PCDH15: variants seen among roughly 807,000 people sequenced by gnomAD.
PCDH15 encodes protocadherin related 15, also known as protocadherin-15.
PCDH15 carries 129 observed loss-of-function variants against 178.5 expected under a neutral mutation model. The observed-to-expected ratio is 0.72, with a 90% CI of 0.63 to 0.84. The LOEUF (loss-of-function observed/expected upper bound fraction) is 0.84. PCDH15 is among the 40% of genes least tolerant of loss of function. PCDH15 has a pLI of 0.00. For synonymous variants in PCDH15, 800 were observed against 732.0 expected (o/e 1.09, Z -1.50); for missense variants, 2,230 against 2,099.9 (o/e 1.06, Z -1.21).
intron 2 of PCDH15, among the ~76,000 whole-genome samples, chr10:54,938,884 A>C (rs1028013402): frequency 3.9e-5 from 6 of 152,112 alleles, no homozygotes; most frequent in Admixed American, 3.3e-4. Context: ...TTGAAAATGG[A>C]GAAAGGGGCC....
chr10:53,847,349 C>T (rs1481913471), intron 28 of PCDH15, among the ~76,000 whole-genome samples: 1 of 152,000 alleles, frequency 6.6e-6, no homozygotes, highest in Non-Finnish European at 1.5e-5. Context: ...AATATTTTTA[C>T]ACAAGCTTAG....
intron 2 of PCDH15, among the ~76,000 whole-genome samples, chr10:55,496,165 T>G (rs542048513): frequency 1.0e-3 from 156 of 151,960 alleles, no homozygotes; most frequent in African/African-American, 3.6e-3. Context: ...ATGGGTGAAT[T>G]GTATATGAGT....
chr10:54,391,689 C>T lies in PCDH15; in HGVS notation c.158-12747G>A, dbSNP rs113068249. Among the ~76,000 whole-genome samples, 1,160 of 151,986 alleles carry T rather than the reference C, an allele frequency of 7.6e-3. 15 individuals are homozygous for T. Among genetic ancestry groups the T allele is most frequent in the African/African-American group, 0.026 (1,094 of 41,474 alleles). The stretch of plus-strand genomic sequence containing the variant: ...TTGGAGAGAACCTATGCAACACATA[C>T]CTGGCTATTATTTACCTCTTTCCCT... On this transcript the variant is annotated intron_variant, in intron 3 of 37. Transcript: ENST00000644397.
At chr10:55,347,665 T>C (rs1045233660) in intron 2 of PCDH15, among the ~76,000 whole-genome samples, 5 of 152,256 alleles carry the variant, frequency 3.3e-5, no homozygotes, top group Admixed American at 6.5e-5. Context: ...AATAGCTTCA[T>C]TGAAAACACA....
chr10:54,903,505 T>C (rs1542350), intron 2 of PCDH15, among the ~76,000 whole-genome samples: 83,075 of 151,512 alleles, frequency 0.55, 22,998 homozygotes, highest in South Asian at 0.66. Flanking sequence ...ATATTGTAAC[T>C]ACAAAAACAA....
intron 2 of PCDH15, among the ~76,000 whole-genome samples, chr10:55,016,854 A>G (rs1840193367): frequency 1.3e-5 from 2 of 152,012 alleles, no homozygotes; most frequent in Non-Finnish European, 1.5e-5. Flanking sequence ...TTCTGGGATA[A>G]TTTCTAATAA....
chr10:54,820,072 A>T (rs1953012242), intron 3 of PCDH15, among the ~76,000 whole-genome samples: 1 of 152,086 alleles, frequency 6.6e-6, no homozygotes, highest in Non-Finnish European at 1.5e-5. Flanking sequence ...ATTATGTGAT[A>T]TATGTGAAAG....
At chr10:55,477,037 T>C (rs1196293046) in intron 2 of PCDH15, among the ~76,000 whole-genome samples, 2 of 151,940 alleles carry the variant, frequency 1.3e-5, no homozygotes, top group Non-Finnish European at 2.9e-5. Flanking sequence ...TTTAATACAG[T>C]AAAATGTAAG....
At chr10:54,417,547 C>T (rs933059437) in intron 3 of PCDH15, among the ~76,000 whole-genome samples, 1 of 151,992 alleles carries the variant, frequency 6.6e-6, no homozygotes, top group African/African-American at 2.4e-5. Flanking sequence ...AGATATTTAA[C>T]AATGTTTACT....
chr10:54,090,031 A>G lies in PCDH15; in HGVS notation c.1950T>C (p.Tyr650=). 1.2e-6 allele frequency: 2 copies of G among 1,612,554 alleles called. No homozygotes were observed. The highest frequency in any genetic ancestry group is 1.1e-5 in the South Asian group (1 of 91,060). Residue 650 remains tyrosine, a synonymous_variant, in exon 16 of 38, where the codon TAT becomes TAC. Coordinates refer to ENST00000644397, the MANE Select transcript of PCDH15 (RefSeq NM_001384140.1). Reference sequence around the variant, plus strand: ...TCTGAGGATCTCCATTCTCAATGGCATATGTTATTGAGTCTCCCTCTCGAT... The same window carrying G: ...TCTGAGGATCTCCATTCTCAATGGCGTATGTTATTGAGTCTCCCTCTCGAT... ...ATDREGDSIT[Y]AIENGDPQRV...
chr10:53,889,070 A>T (rs1462808248), intron 26 of PCDH15, among the ~76,000 whole-genome samples: 3 of 151,842 alleles, frequency 2.0e-5, no homozygotes, highest in Non-Finnish European at 4.4e-5. Context: ...CCAAACACAC[A>T]AAAAAATCCC....
intron 2 of PCDH15, among the ~76,000 whole-genome samples, chr10:55,403,909 T>C (rs61851116): frequency 0.019 from 2,927 of 152,104 alleles, 41 homozygotes; most frequent in South Asian, 0.031. Context: ...AAACCCCAGA[T>C]AGAAGAAGTT....
intron 1 of PCDH15, among the ~76,000 whole-genome samples, chr10:54,782,491 T>C (rs192572016): frequency 2.0e-5 from 3 of 152,150 alleles, no homozygotes; most frequent in African/African-American, 7.2e-5. Context: ...GTAAAAGTAC[T>C]AACCTACCAA....
intron 2 of PCDH15, among the ~76,000 whole-genome samples, chr10:55,114,955 GACT>G (rs201964037): frequency 3.5e-4 from 54 of 152,204 alleles, no homozygotes; most frequent in African/African-American, 1.3e-3. Context: ...AAATTAAAAA[GACT>G]ACATTTAAAA....
intron 3 of PCDH15, among the ~76,000 whole-genome samples, chr10:54,380,091 T>C (rs1948997530): frequency 6.6e-6 from 1 of 152,104 alleles, no homozygotes; most frequent in South Asian, 2.1e-4. Context: ...ATAATAACTA[T>C]AATTATCTAT....
At chr10:55,533,879 C>A (rs1841512260) in intron 2 of PCDH15, among the ~76,000 whole-genome samples, 1 of 151,938 alleles carries the variant, frequency 6.6e-6, no homozygotes, top group Non-Finnish European at 1.5e-5. Context: ...GCTACAAAAA[C>A]AGATACATAG....
At chr10:54,136,176 A>G (rs891000494) in intron 14 of PCDH15, among the ~76,000 whole-genome samples, 6 of 152,154 alleles carry the variant, frequency 3.9e-5, no homozygotes, top group Non-Finnish European at 7.4e-5. Context: ...AGCATGTTGT[A>G]TCATAATCTT....
chr10:55,501,088 A>G (rs1413261810), intron 2 of PCDH15, among the ~76,000 whole-genome samples: 1 of 151,748 alleles, frequency 6.6e-6, no homozygotes, highest in Non-Finnish European at 1.5e-5. Context: ...GCCCTGATCA[A>G]ATATAACTTC....
At chr10:55,014,875 T>C (rs1270006367) in intron 2 of PCDH15, among the ~76,000 whole-genome samples, 1 of 152,162 alleles carries the variant, frequency 6.6e-6, no homozygotes, top group African/African-American at 2.4e-5. Context: ...AACTATTGTG[T>C]CGCCATGTCC....
Sources: allele counts gnomAD v4.1 joint callset (sites outside exome capture counted in the v4.1 genomes callset), GRCh38; gene constraint gnomAD v4.1.1; transcripts MANE v1.5; gene names NCBI Gene and HGNC (gene_info 2026-07-23, HGNC 2026-07-21).